HDAC9: variants seen among roughly 807,000 people sequenced by gnomAD.
The protein encoded by HDAC9 is MEF-2 interacting transcription repressor (MITR) protein.
HDAC9 carries 41 observed loss-of-function variants against 139.4 expected under a neutral mutation model. The observed-to-expected ratio is 0.29, with a 90% CI of 0.23 to 0.38. HDAC9 has a LOEUF of 0.38. Among genes scored for constraint, HDAC9 ranks in the 10% least tolerant of loss-of-function variants. The pLI, the probability that HDAC9 is intolerant of heterozygous loss-of-function variation, is 1.00. For missense variants in HDAC9, 1,147 were observed against 1,297.0 expected, an observed-to-expected ratio of 0.88 and a Z score of 1.78; for synonymous variants, 517 against 476.2, an observed-to-expected ratio of 1.09 and a Z score of -1.12.
intron 25 of HDAC9, among the ~76,000 whole-genome samples, chr7:18,992,645 T>C (rs1489406131): frequency 6.6e-6 from 1 of 152,144 alleles, no homozygotes; most frequent in Non-Finnish European, 1.5e-5. Context: ...AGAAATAAGA[T>C]TTAAGAGAGA....
At chr7:18,374,234 T>A (rs1246691331) in intron 1 of HDAC9, among the ~76,000 whole-genome samples, 1 of 151,396 alleles carries the variant, frequency 6.6e-6, no homozygotes, top group Non-Finnish European at 1.5e-5. Flanking sequence ...CACACATATA[T>A]AGGTACAGTT....
At chr7:18,143,543 C>T (rs980618567) in intron 1 of HDAC9, among the ~76,000 whole-genome samples, 1 of 152,082 alleles carries the variant, frequency 6.6e-6, no homozygotes, top group African/African-American at 2.4e-5. Context: ...GTGAGTGTTT[C>T]TTGGGAGGCC....
At chr7:18,866,478 G>T (rs560730489) in intron 21 of HDAC9, among the ~76,000 whole-genome samples, 1 of 152,008 alleles carries the variant, frequency 6.6e-6, no homozygotes, top group African/African-American at 2.4e-5. Flanking sequence ...TTGGTTGCCC[G>T]CTCTCCTCTG....
At chr7:18,443,452 T>C (rs1186492065) in intron 1 of HDAC9, among the ~76,000 whole-genome samples, 1 of 152,076 alleles carries the variant, frequency 6.6e-6, no homozygotes, top group African/African-American at 2.4e-5. Context: ...TAAAAGTAAA[T>C]AGAATTAAAT....
intron 2 of HDAC9, among the ~76,000 whole-genome samples, chr7:18,539,619 C>G (rs932167866): frequency 1.3e-5 from 2 of 152,140 alleles, no homozygotes; most frequent in African/African-American, 4.8e-5. Flanking sequence ...GGAACTTATA[C>G]TATCTTGAAA....
intron 1 of HDAC9, among the ~76,000 whole-genome samples, chr7:18,317,770 A>ATGG (rs1799760537): frequency 6.6e-6 from 1 of 152,170 alleles, no homozygotes; most frequent in South Asian, 2.1e-4. Flanking sequence ...CTGTAAATCT[A>ATGG]TGGTGTAAGG....
chr7:18,114,162 AC>A (rs897583586), intron 1 of HDAC9, among the ~76,000 whole-genome samples: 52 of 152,248 alleles, frequency 3.4e-4, no homozygotes, highest in Non-Finnish European at 2.1e-4. Context: ...GCAAGATGAT[AC>A]TGTGGTCTAA....
chr7:18,374,676 A>G (rs917311445), intron 1 of HDAC9, among the ~76,000 whole-genome samples: 2 of 152,076 alleles, frequency 1.3e-5, no homozygotes, highest in Non-Finnish European at 2.9e-5. Context: ...ATTGACTGAA[A>G]CATTGTTATG....
At chr7:18,658,044 T>A (rs73683128) in intron 11 of HDAC9, among the ~76,000 whole-genome samples, 18,292 of 152,060 alleles carry the variant, frequency 0.12, 1,106 homozygotes, top group East Asian at 0.14. Flanking sequence ...CTTCTCACGG[T>A]TTGATTGTGT....
intron 1 of HDAC9, among the ~76,000 whole-genome samples, chr7:18,440,680 T>C (rs902301575): frequency 1.3e-5 from 2 of 152,196 alleles, no homozygotes; most frequent in Non-Finnish European, 2.9e-5. Flanking sequence ...CCCTTATCGA[T>C]TATATTAACT....
At chr7:18,723,773 C>A (rs974968758) in intron 12 of HDAC9, among the ~76,000 whole-genome samples, 3 of 151,910 alleles carry the variant, frequency 2.0e-5, no homozygotes, top group Non-Finnish European at 4.4e-5. Flanking sequence ...CGGTATCAAA[C>A]TACTCATTAA....
At chr7:18,964,796 T>C (rs183191405) in intron 24 of HDAC9, among the ~76,000 whole-genome samples, 14 of 152,286 alleles carry the variant, frequency 9.2e-5, no homozygotes, top group African/African-American at 3.1e-4. Flanking sequence ...GAGAACAGCA[T>C]GGGGGACACC....
At chr7:18,291,516 G>A (rs895883500) in intron 1 of HDAC9, among the ~76,000 whole-genome samples, 3 of 152,082 alleles carry the variant, frequency 2.0e-5, no homozygotes, top group Non-Finnish European at 2.9e-5. Context: ...AGTGCTCACT[G>A]TTTGTTAGCC....
intron 11 of HDAC9, 106 bp downstream of exon 11, chr7:18,648,789 A>G (rs1468171203): frequency 1.1e-6 from 1 of 931,674 alleles, no homozygotes; most frequent in Non-Finnish European, 1.7e-6. Flanking sequence ...AGTCACAGCA[A>G]AAAGGATGTG....
chr7:18,748,857 T>G, intron 13 of HDAC9, 148 bp from the exon 14 acceptor site: 1 of 748,960 alleles, frequency 1.3e-6, no homozygotes, highest in South Asian at 1.9e-5. Flanking sequence ...TCTTATGTGC[T>G]CCTGAGAATT....
intron 12 of HDAC9, chr7:18,667,114 T>C: frequency 2.0e-6 from 2 of 985,258 alleles, no homozygotes; most frequent in Non-Finnish European, 2.4e-6. Context: ...GTTTTAAATA[T>C]ATAGATGCAA....
intron 1 of HDAC9, among the ~76,000 whole-genome samples, chr7:18,425,419 A>G (rs1014274388): frequency 2.0e-5 from 3 of 152,204 alleles, no homozygotes; most frequent in African/African-American, 7.2e-5. Flanking sequence ...GTGGCATGAC[A>G]CATTTTCCCA....
intron 1 of HDAC9, among the ~76,000 whole-genome samples, chr7:18,438,302 A>C (rs555211846): frequency 6.6e-6 from 1 of 152,220 alleles, no homozygotes; most frequent in African/African-American, 2.4e-5. Context: ...AGGATTGATA[A>C]AAAATCTAAA....
intron 13 of HDAC9, among the ~76,000 whole-genome samples, chr7:18,743,101 GA>G (rs1317312510): frequency 6.6e-6 from 1 of 151,448 alleles, no homozygotes; most frequent in Non-Finnish European, 1.5e-5. Context: ...ACTCATTCTT[GA>G]ATGTAGAAAA....
Sources: allele counts gnomAD v4.1 joint callset (sites outside exome capture counted in the v4.1 genomes callset), GRCh38; gene constraint gnomAD v4.1.1; transcripts MANE v1.5; gene names NCBI Gene and HGNC (gene_info 2026-07-23, HGNC 2026-07-21).